Variants in CFAP299 observed in about 807,000 individuals in gnomAD.
CFAP299 encodes cilia and flagella associated protein 299.
A neutral mutation model predicts 27.0 loss-of-function variants in CFAP299; 21 were observed. The observed-to-expected ratio is 0.78, with a 90% CI of 0.55 to 1.12. The LOEUF (loss-of-function observed/expected upper bound fraction) is 1.12, where lower values mean the gene tolerates loss of function less well. CFAP299 is among the 50% of genes most tolerant of loss of function. The pLI, the probability that CFAP299 is intolerant of heterozygous loss-of-function variation, is 0.00. For synonymous variants in CFAP299, 104 were observed against 98.1 expected, an observed-to-expected ratio of 1.06 and a Z score of -0.36; for missense variants, 310 against 276.6, an observed-to-expected ratio of 1.12 and a Z score of -0.86.
At chr4:80,581,946 C>G (rs898859436) in intron 2 of CFAP299, among the ~76,000 whole-genome samples, 1 of 151,874 alleles carries the variant, frequency 6.6e-6, no homozygotes, top group Non-Finnish European at 1.5e-5. Flanking sequence ...TAAGACCAGA[C>G]TCTACTATCT....
At chr4:80,917,864 C>G (rs1735840622) in intron 4 of CFAP299, among the ~76,000 whole-genome samples, 1 of 152,070 alleles carries the variant, frequency 6.6e-6, no homozygotes, top group Non-Finnish European at 1.5e-5. Flanking sequence ...TGTTGCTTCT[C>G]TAATTATTAA....
chr4:80,833,346 T>G (rs1730397584), intron 3 of CFAP299, among the ~76,000 whole-genome samples: 1 of 152,064 alleles, frequency 6.6e-6, no homozygotes, highest in East Asian at 1.9e-4. Context: ...CGAGAGCTCG[T>G]GAGGCCCACT....
chr4:80,777,098 T>A (rs1298535723), intron 3 of CFAP299, among the ~76,000 whole-genome samples: 1 of 152,092 alleles, frequency 6.6e-6, no homozygotes, highest in African/African-American at 2.4e-5. Flanking sequence ...GCTCCCCAGA[T>A]TGCAGTTTTC....
intron 2 of CFAP299, among the ~76,000 whole-genome samples, chr4:80,559,777 A>G (rs1734951662): frequency 1.3e-5 from 2 of 152,208 alleles, no homozygotes; most frequent in African/African-American, 4.8e-5. Context: ...AGGAGCATTT[A>G]AACCAGCCCT....
chr4:80,738,142 C>G (rs1348903295), intron 3 of CFAP299, among the ~76,000 whole-genome samples: 4 of 152,060 alleles, frequency 2.6e-5, no homozygotes, highest in Admixed American at 2.6e-4. Context: ...ATTTTGTGAC[C>G]TAACATATGG....
chr4:80,940,355 AG>A (rs1560485521), intron 4 of CFAP299, among the ~76,000 whole-genome samples: 1 of 152,204 alleles, frequency 6.6e-6, no homozygotes, highest in African/African-American at 2.4e-5. Context: ...AGACTGGGGA[AG>A]CTAGGCCCTC....
At chr4:80,838,030 A>G (rs916174590) in intron 3 of CFAP299, among the ~76,000 whole-genome samples, 9 of 152,202 alleles carry the variant, frequency 5.9e-5, no homozygotes, top group Admixed American at 2.0e-4. Context: ...AGTGATGATT[A>G]GCTTTTTTTT....
chr4:80,417,583 A>G (rs1184220125), intron 2 of CFAP299, among the ~76,000 whole-genome samples: 3 of 152,148 alleles, frequency 2.0e-5, no homozygotes, highest in Non-Finnish European at 4.4e-5. Context: ...CACTTTTCCT[A>G]TAACAGATGG....
chr4:80,639,336 A>G (rs1739607486), intron 3 of CFAP299, among the ~76,000 whole-genome samples: 1 of 152,192 alleles, frequency 6.6e-6, no homozygotes, highest in Non-Finnish European at 1.5e-5. Context: ...TTCACCTCAC[A>G]GAGGAAATGA....
intron 1 of CFAP299, among the ~76,000 whole-genome samples, chr4:80,355,618 T>C (rs1306233383): frequency 2.0e-5 from 3 of 151,860 alleles, no homozygotes; most frequent in Non-Finnish European, 2.9e-5. Flanking sequence ...GGCCTCCCAA[T>C]GTCCTTTGCT....
At chr4:80,662,156 C>T (rs6821322) in intron 3 of CFAP299, among the ~76,000 whole-genome samples, 6,945 of 152,088 alleles carry the variant, frequency 0.046, 550 homozygotes, top group African/African-American at 0.16. Context: ...TATTTTATTA[C>T]CTTGTGAAGC....
chr4:80,956,367 T>A (rs1738068102), intron 5 of CFAP299, among the ~76,000 whole-genome samples: 1 of 152,196 alleles, frequency 6.6e-6, no homozygotes, highest in Admixed American at 6.5e-5. Flanking sequence ...GTCATTTTAT[T>A]TGCTCCAGTC....
intron 3 of CFAP299, among the ~76,000 whole-genome samples, chr4:80,653,969 C>T (rs1203165922): frequency 6.6e-6 from 1 of 152,032 alleles, no homozygotes; most frequent in African/African-American, 2.4e-5. Flanking sequence ...TGTGGGTATG[C>T]ATATCATGCT....
At position 80,696,261 on chromosome 4, in the gene CFAP299, T is replaced by G. The variant is rs146246455; in HGVS notation, c.333+113078T>G. Among the ~76,000 whole-genome samples the G allele has an allele frequency of 4.2e-4, 62 of 146,740 alleles. 1 individual carries two copies. The highest frequency in any genetic ancestry group is 1.3e-3 in the African/African-American group (53 of 39,520). ...GGTTGCAGTGAGCCAGTCACACCAC[T>G]GCACTCCAGCCTGGACAACAGAGCT... is the stretch of plus-strand genomic sequence containing the variant. On this transcript the variant is annotated intron_variant, in intron 3 of 5. Coordinates refer to ENST00000358105, the MANE Select transcript of CFAP299 (RefSeq NM_152770.3).
chr4:80,607,382 T>C (rs1737735561), intron 3 of CFAP299, among the ~76,000 whole-genome samples: 1 of 143,728 alleles, frequency 7.0e-6, no homozygotes, highest in Non-Finnish European at 1.5e-5. Flanking sequence ...ATGCTCTGCC[T>C]TTCTTAAAAG....
chr4:80,906,890 G>A (rs375776731), intron 4 of CFAP299, among the ~76,000 whole-genome samples: 2 of 152,242 alleles, frequency 1.3e-5, no homozygotes, highest in South Asian at 2.1e-4. Flanking sequence ...ATGCCCTGGA[G>A]ACATTTTCCC....
intron 2 of CFAP299, among the ~76,000 whole-genome samples, chr4:80,480,351 C>A (rs1730499579): frequency 6.6e-6 from 1 of 151,708 alleles, no homozygotes; most frequent in African/African-American, 2.4e-5. Context: ...AGGAGCTCTG[C>A]AGAGGGTACG....
intron 2 of CFAP299, among the ~76,000 whole-genome samples, chr4:80,453,879 A>T (rs1238066538): frequency 6.8e-6 from 1 of 147,752 alleles, no homozygotes; most frequent in African/African-American, 2.5e-5. Context: ...AATAATAATA[A>T]TAATAATAAT....
intron 3 of CFAP299, among the ~76,000 whole-genome samples, chr4:80,710,964 G>A (rs1015193434): frequency 2.0e-5 from 3 of 152,102 alleles, no homozygotes; most frequent in Non-Finnish European, 4.4e-5. Flanking sequence ...GAGTGACTCA[G>A]CGAGTTTAGA....
Sources: gnomAD v4.1 joint callset for allele counts (sites outside exome capture counted in the v4.1 genomes callset) on GRCh38, gnomAD v4.1.1 for gene constraint, MANE v1.5 for transcripts, NCBI Gene and HGNC (gene_info 2026-07-23, HGNC 2026-07-21) for gene names.